The following KCNH1 variants were observed in gnomAD, a reference collection of about 807,000 sequenced individuals.
The protein encoded by KCNH1 is potassium voltage-gated channel subfamily H member 1, also known as voltage-gated delayed rectifier potassium channel KCNH1.
Under a neutral mutation model 69.2 loss-of-function variants are expected in KCNH1, and 27 were observed. The observed-to-expected ratio is 0.39, with a 90% CI of 0.29 to 0.54. KCNH1 has a LOEUF of 0.54. KCNH1 is among the 20% of genes least tolerant of loss of function. The pLI, the probability that KCNH1 is intolerant of heterozygous loss-of-function variation, is 0.68. For synonymous variants in KCNH1, 456 were observed against 487.7 expected, an observed-to-expected ratio of 0.93 and a Z score of 0.86; for missense variants, 798 against 1,261.6, an observed-to-expected ratio of 0.63 and a Z score of 5.57.
intron 7 of KCNH1, among the ~76,000 whole-genome samples, chr1:210,915,610 G>T (rs1687319409): frequency 1.3e-5 from 2 of 152,150 alleles, no homozygotes; most frequent in Non-Finnish European, 2.9e-5. Context: ...ATGGAAATTA[G>T]ACATAAAACC....
chr1:210,909,159 A>G (rs2102546754), intron 7 of KCNH1, among the ~76,000 whole-genome samples: 1 of 152,354 alleles, frequency 6.6e-6, no homozygotes, highest in Non-Finnish European at 1.5e-5. Flanking sequence ...GAATTTACAG[A>G]GTTGGCCCTA....
intron 10 of KCNH1, among the ~76,000 whole-genome samples, chr1:210,769,912 G>A (rs1192759138): frequency 6.6e-6 from 1 of 152,148 alleles, no homozygotes; most frequent in Non-Finnish European, 1.5e-5. Context: ...CAGTGGGGAG[G>A]AGAAAGGGAA....
At chr1:210,806,368 A>C (rs950038388) in intron 7 of KCNH1, among the ~76,000 whole-genome samples, 2 of 151,314 alleles carry the variant, frequency 1.3e-5, no homozygotes, top group African/African-American at 4.9e-5. Flanking sequence ...TCTTCTTTGG[A>C]GAAATCAAAT....
At chr1:210,963,724 T>G (rs1484221519) in intron 6 of KCNH1, among the ~76,000 whole-genome samples, 3 of 151,780 alleles carry the variant, frequency 2.0e-5, no homozygotes, top group Non-Finnish European at 2.9e-5. Flanking sequence ...AAATAAAGCA[T>G]GAAGACAAGA....
chr1:210,869,444 G>C (rs939773134), intron 7 of KCNH1, among the ~76,000 whole-genome samples: 1 of 146,922 alleles, frequency 6.8e-6, no homozygotes, highest in Non-Finnish European at 1.5e-5. Flanking sequence ...TGTCATTTTA[G>C]GTCTATTTCT....
At chr1:210,856,870 T>TAACCCACTATATATATATATATATAA (rs1553352251) in intron 7 of KCNH1, among the ~76,000 whole-genome samples, 1 of 76,030 alleles carries the variant, frequency 1.3e-5, no homozygotes, top group Non-Finnish European at 2.6e-5. Flanking sequence ...TATATATATA[T>TAACCCACTATATATATATATATATAA]AACCCACTAT....
At chr1:210,882,835 G>A (rs527888645) in intron 7 of KCNH1, among the ~76,000 whole-genome samples, 42 of 152,292 alleles carry the variant, frequency 2.8e-4, no homozygotes, top group Non-Finnish European at 5.7e-4. Flanking sequence ...CTAATTAGAA[G>A]CCACATCAGG....
At chr1:211,009,931 C>T (rs1283474401) in intron 6 of KCNH1, among the ~76,000 whole-genome samples, 3 of 152,146 alleles carry the variant, frequency 2.0e-5, no homozygotes, top group Non-Finnish European at 4.4e-5. Context: ...TATCACTCCT[C>T]TTTTGTCAAT....
intron 6 of KCNH1, among the ~76,000 whole-genome samples, chr1:210,977,703 T>A (rs1040492665): frequency 1.3e-5 from 2 of 152,214 alleles, no homozygotes; most frequent in African/African-American, 4.8e-5. Context: ...TTTGACCCAA[T>A]GTTTTACATA....
chr1:210,691,222 A>C (rs1681521027), intron 10 of KCNH1, among the ~76,000 whole-genome samples: 1 of 152,204 alleles, frequency 6.6e-6, no homozygotes, highest in South Asian at 2.1e-4. Flanking sequence ...GATTTGGGCG[A>C]GGGTGTTCCA....
rs1195763787 is a variant in KCNH1 at position 210,718,629 on chromosome 1, AATATATATATAC to A, written c.2113-34503_2113-34492del. Among the ~76,000 whole-genome samples the A allele has an allele frequency of 1.7e-5, 2 of 114,506 alleles. 1 individual carries two copies. The highest frequency in any genetic ancestry group is 3.4e-5 in the Non-Finnish European group (2 of 59,422). 75.1% of individuals were successfully genotyped at this position (114,506 alleles called of 152,430 possible). On this transcript the variant is annotated intron_variant, in intron 10 of 10. Transcript: ENST00000271751. The stretch of plus-strand genomic sequence containing the variant: ...ATAAAATTATATGTATGTGTGTATA[AATATATATATAC>A]ATATATATATACACACACACACACA...
intron 7 of KCNH1, among the ~76,000 whole-genome samples, chr1:210,888,884 C>G (rs985699045): frequency 1.2e-4 from 18 of 152,146 alleles, no homozygotes; most frequent in African/African-American, 4.1e-4. Context: ...AGACCAATAA[C>G]AAGTTCTGAA....
rs566037819 is a variant in KCNH1, at chr1:211,119,217, G to A, written c.80-11840C>T. Among the ~76,000 whole-genome samples the A allele has an allele frequency of 7.9e-5, 12 of 152,114 alleles. No homozygotes were observed. In the South Asian group the frequency reaches 1.7e-3, roughly 21 times the overall value. On this transcript the variant is annotated intron_variant, in intron 1 of 10. Transcript: ENST00000271751. ...CTACTAAAAATACAAAAAATTAGCC[G>A]GGCATGGTGGCGGGCATCTGTAGTC...
chr1:211,083,194 T>G (rs1252797402), intron 4 of KCNH1, among the ~76,000 whole-genome samples: 1 of 152,230 alleles, frequency 6.6e-6, no homozygotes, highest in Non-Finnish European at 1.5e-5. Flanking sequence ...GCCTGGACAA[T>G]GAGAAAGAGT....
chr1:211,014,199 T>C (rs865970510), intron 6 of KCNH1, among the ~76,000 whole-genome samples: 7 of 152,160 alleles, frequency 4.6e-5, no homozygotes, highest in African/African-American at 1.7e-4. Context: ...GCAATAAGTT[T>C]CCTCGGGAGA....
intron 5 of KCNH1, among the ~76,000 whole-genome samples, chr1:211,032,140 A>C (rs1204238621): frequency 1.3e-5 from 2 of 152,236 alleles, no homozygotes; most frequent in Non-Finnish European, 2.9e-5. Flanking sequence ...GAGCCAAATC[A>C]TGAGTGAACT....
chr1:211,060,420 A>G (rs1460678878), intron 5 of KCNH1, among the ~76,000 whole-genome samples: 2 of 148,918 alleles, frequency 1.3e-5, no homozygotes, highest in Non-Finnish European at 3.0e-5. Flanking sequence ...AAAAAAAAAA[A>G]AAAAAGAAAT....
At chr1:210,818,796 G>A (rs1005103271) in intron 7 of KCNH1, among the ~76,000 whole-genome samples, 4 of 152,134 alleles carry the variant, frequency 2.6e-5, no homozygotes, top group South Asian at 4.1e-4. Context: ...TACCTGGAAC[G>A]ACAATGACTA....
intron 6 of KCNH1, among the ~76,000 whole-genome samples, chr1:210,940,336 C>A (rs1247333089): frequency 1.3e-5 from 2 of 152,160 alleles, no homozygotes; most frequent in African/African-American, 4.8e-5. Context: ...AATGCAGCAG[C>A]AAGCACAAGT....
Sources: gnomAD v4.1 joint callset for allele counts (sites outside exome capture counted in the v4.1 genomes callset) on GRCh38, gnomAD v4.1.1 for gene constraint, MANE v1.5 for transcripts, NCBI Gene and HGNC (gene_info 2026-07-23, HGNC 2026-07-21) for gene names.